RAB8B: variants seen among roughly 807,000 people sequenced by gnomAD.
RAB8B encodes RAB8B, member RAS oncogene family.
In RAB8B, 11 loss-of-function variants were observed where a neutral mutation model predicts 32.0. That is an observed-to-expected ratio of 0.34 (90% CI 0.22 to 0.57). The LOEUF is 0.57. Among genes scored for constraint, RAB8B ranks in the 20% least tolerant of loss-of-function variants. RAB8B has a pLI of 0.86. For synonymous variants in RAB8B, 103 were observed against 89.6 expected (o/e 1.15, Z -0.85); for missense variants, 190 against 258.5 (o/e 0.73, Z 1.82).
chr15:63,243,711 A>T (rs1169617877), intron 1 of RAB8B, among the ~76,000 whole-genome samples: 2 of 152,116 alleles, frequency 1.3e-5, no homozygotes, highest in Admixed American at 6.5e-5. Flanking sequence ...GGCAGGCCTA[A>T]TCATGAGGAT....
At chr15:63,229,382 G>T (rs146687515) in intron 1 of RAB8B, among the ~76,000 whole-genome samples, 1 of 152,174 alleles carries the variant, frequency 6.6e-6, no homozygotes, top group Non-Finnish European at 1.5e-5. Context: ...GTCATTTGGG[G>T]TGACTGCCTG....
At chr15:63,228,512 A>G (rs187044712) in intron 1 of RAB8B, among the ~76,000 whole-genome samples, 1 of 152,384 alleles carries the variant, frequency 6.6e-6, no homozygotes, top group East Asian at 1.9e-4. Context: ...GCAGATGGTC[A>G]TAAAACACAG....
At chr15:63,244,646 A>G (rs2038057392) in intron 1 of RAB8B, 110 bp from the exon 2 acceptor site, 2 of 796,548 alleles carry the variant, frequency 2.5e-6, no homozygotes, top group East Asian at 5.4e-5. Context: ...CTGTGTTCAC[A>G]TTTTCCAGTG....
chr15:63,231,126 A>G (rs2037933240), intron 1 of RAB8B, among the ~76,000 whole-genome samples: 2 of 152,224 alleles, frequency 1.3e-5, no homozygotes, highest in South Asian at 4.1e-4. Flanking sequence ...GTATACAGCT[A>G]AAGTTTGTTT....
At position 63,263,700 on chromosome 15, in the gene RAB8B, A is replaced by G. The variant is rs2152586209; in HGVS notation, c.*81A>G. The G allele has an allele frequency of 7.9e-6, 9 of 1,136,024 alleles. No homozygotes were observed. The highest frequency in any genetic ancestry group is 2.4e-5 in the East Asian group (1 of 41,102). 70.4% of individuals were successfully genotyped at this position (1,136,024 alleles called of 1,614,324 possible). A position where few individuals can be genotyped will look rare whatever the true frequency, so the allele number is the denominator to read the frequency against. ...AAAGCACAGGTCACCCAGCCTCAGA[A>G]TCACACCTCCCGGCTGCTGCTGAGA... On this transcript the variant is annotated 3_prime_UTR_variant, in exon 8 of 8. Coordinates refer to ENST00000321437, the MANE Select transcript of RAB8B (RefSeq NM_016530.3).
Position 63,210,520 on chromosome 15 carries a change from C to G in RAB8B, c.124+20772C>G, listed in dbSNP as rs139041195. Among the ~76,000 whole-genome samples the G allele has an allele frequency of 4.4e-3, 665 of 152,364 alleles. 8 individuals are homozygous for G. Among genetic ancestry groups the G allele is most frequent in the African/African-American group, 0.014 (598 of 41,590 alleles). ...GGTAGTGCCACAGCTAGGCTTCCTGCTGTCTGCACAAGGGAACCTTTGGTG... is the reference window on the plus strand; with the variant it reads ...GGTAGTGCCACAGCTAGGCTTCCTGGTGTCTGCACAAGGGAACCTTTGGTG... On this transcript the variant is annotated intron_variant, in intron 1 of 7. Transcript: ENST00000321437.
chr15:63,259,615 T>C lies in RAB8B; in HGVS notation c.415-12T>C. 2 of 1,609,462 alleles carry C rather than the reference T, an allele frequency of 1.2e-6. No individual in the cohort carries two copies. Among genetic ancestry groups the C allele is most frequent in the Non-Finnish European group, 1.7e-6 (2 of 1,175,796 alleles). On this transcript the variant is annotated splice_polypyrimidine_tract_variant and intron_variant, in intron 5 of 7. Coordinates refer to ENST00000321437, the MANE Select transcript of RAB8B (RefSeq NM_016530.3). The surrounding 1 kb of genome is among the most constrained non-coding windows in gnomAD (Gnocchi z 4.4). ...CTTTTGCTAAATTTAAATATTTCTGTTTACTTTTCAGCTAGCAATTGACTA... is the reference window on the plus strand; with the variant it reads ...CTTTTGCTAAATTTAAATATTTCTGCTTACTTTTCAGCTAGCAATTGACTA...
At chr15:63,209,103 C>G (rs2037724580) in intron 1 of RAB8B, among the ~76,000 whole-genome samples, 1 of 151,854 alleles carries the variant, frequency 6.6e-6, no homozygotes, top group African/African-American at 2.4e-5. Flanking sequence ...GTTGCCCAGG[C>G]TGGTTTTGAA....
chr15:63,259,736 G>T lies in RAB8B; in HGVS notation c.480+44G>T, dbSNP rs938839890. ...GTGACTGTTACGGAGCAGCACCAGTGCTTAGGGGCCTGTGTTCAAACAGCT... is the reference window on the plus strand; with the variant it reads ...GTGACTGTTACGGAGCAGCACCAGTTCTTAGGGGCCTGTGTTCAAACAGCT... On this transcript the variant is annotated intron_variant, in intron 6 of 7. Coordinates refer to ENST00000321437, the MANE Select transcript of RAB8B (RefSeq NM_016530.3). The surrounding 1 kb of genome is among the most constrained non-coding windows in gnomAD (Gnocchi z 4.4). 1.3e-6 allele frequency: 2 copies of T among 1,529,162 alleles called. No homozygotes were observed. The highest frequency in any genetic ancestry group is 1.8e-6 in the Non-Finnish European group (2 of 1,104,574). 94.7% of individuals were successfully genotyped at this position (1,529,162 alleles called of 1,614,324 possible).
chr15:63,192,561 G>T (rs566790577), intron 1 of RAB8B, among the ~76,000 whole-genome samples: 10 of 152,160 alleles, frequency 6.6e-5, no homozygotes, highest in Admixed American at 6.5e-4. Flanking sequence ...ATTTCTCAAC[G>T]CCTGGGGTTT....
intron 1 of RAB8B, among the ~76,000 whole-genome samples, chr15:63,200,315 T>C (rs1273255820): frequency 6.6e-6 from 1 of 152,240 alleles, no homozygotes; most frequent in African/African-American, 2.4e-5. Flanking sequence ...GTAAATTGGC[T>C]AAAATCTTTG....
intron 1 of RAB8B, among the ~76,000 whole-genome samples, chr15:63,199,992 G>A (rs971228977): frequency 6.6e-6 from 1 of 152,092 alleles, no homozygotes; most frequent in Non-Finnish European, 1.5e-5. Flanking sequence ...TAAAAAGTAC[G>A]TAGGGCTGTG....
chr15:63,193,390 G>A (rs1234670446), intron 1 of RAB8B, among the ~76,000 whole-genome samples: 2 of 152,166 alleles, frequency 1.3e-5, no homozygotes, highest in African/African-American at 4.8e-5. Context: ...TTAGTTAACT[G>A]TGAGGAAAGG....
In RAB8B at chr15:63,265,476, A is replaced by G. The variant is rs1295226685; in HGVS notation, c.*1857A>G. ...ATTGAAAGTTTATTGTAATTCTACT[A>G]TCTTCAAATTAGATACATTTTCAAA... On this transcript the variant is annotated 3_prime_UTR_variant, in exon 8 of 8. Coordinates refer to ENST00000321437, the MANE Select transcript of RAB8B (RefSeq NM_016530.3). The surrounding 1 kb of genome is among the most constrained non-coding windows in gnomAD (Gnocchi z 4.9). The G allele has an allele frequency of 6.6e-5, 10 of 152,126 alleles. No homozygotes were observed. In the East Asian group the frequency reaches 1.2e-3, roughly 18 times the overall value. 9.4% of individuals were successfully genotyped at this position (152,126 alleles called of 1,614,324 possible).
rs772787105 is a variant in RAB8B, at chr15:63,267,134, T to C, written c.*3515T>C. The C allele has an allele frequency of 3.9e-5, 6 of 152,524 alleles. No individual in the cohort carries two copies. The highest frequency in any genetic ancestry group is 8.8e-5 in the Non-Finnish European group (6 of 68,022). The allele number at this position is 152,524 out of a possible 1,614,324, so 9.4% of individuals were successfully genotyped here. ...TATAGAGGGACCTAGACGGACAGGATATGCTAAAATAATTTCAAATTCTAG... is the reference window on the plus strand; with the variant it reads ...TATAGAGGGACCTAGACGGACAGGACATGCTAAAATAATTTCAAATTCTAG... On this transcript the variant is annotated 3_prime_UTR_variant, in exon 8 of 8. Transcript: ENST00000321437.
At position 63,267,697 on chromosome 15, in the gene RAB8B, T is replaced by TA. The variant is rs2038259747; in HGVS notation, c.*4081dup. The TA allele has an allele frequency of 6.6e-6, 1 of 152,374 alleles. No homozygotes were observed. The highest frequency in any genetic ancestry group is 1.5e-5 in the Non-Finnish European group (1 of 68,032). The allele number at this position is 152,374 out of a possible 1,614,324, so 9.4% of individuals were successfully genotyped here. On this transcript the variant is annotated 3_prime_UTR_variant, in exon 8 of 8. Coordinates refer to ENST00000321437, the MANE Select transcript of RAB8B (RefSeq NM_016530.3). ...ACTGATACTGATGCTATGTTTTTTT[T>TA]AAATGGATTTTATTCCAGGTGAACT...
At chr15:63,201,097 T>A (rs1595733359) in intron 1 of RAB8B, among the ~76,000 whole-genome samples, 1 of 152,110 alleles carries the variant, frequency 6.6e-6, no homozygotes, top group Admixed American at 6.5e-5. Context: ...ACTATATTGG[T>A]TTGTCAGTCA....
At chr15:63,243,162 C>T in intron 1 of RAB8B, among the ~76,000 whole-genome samples, 1 of 152,174 alleles carries the variant, frequency 6.6e-6, no homozygotes, top group South Asian at 2.1e-4. Flanking sequence ...AATGCCACTG[C>T]TGATCTGACA....
At chr15:63,239,214 C>A (rs2038010226) in intron 1 of RAB8B, among the ~76,000 whole-genome samples, 1 of 152,094 alleles carries the variant, frequency 6.6e-6, no homozygotes, top group African/African-American at 2.4e-5. Context: ...ATTATATTAT[C>A]ATTTTACAGC....
Sources: allele counts gnomAD v4.1 joint callset (sites outside exome capture counted in the v4.1 genomes callset), GRCh38; gene constraint gnomAD v4.1.1; non-coding constraint Gnocchi (gnomAD v3.1); transcripts MANE v1.5; gene names NCBI Gene and HGNC (gene_info 2026-07-23, HGNC 2026-07-21).